Variants in SLC14A2 observed in about 807,000 individuals in gnomAD.
SLC14A2 encodes urea transporter 2.
SLC14A2 carries 91 observed loss-of-function variants against 104.6 expected under a neutral mutation model. The ratio of observed to expected loss-of-function variants is 0.87; its 90% CI spans 0.73 to 1.04. The LOEUF (loss-of-function observed/expected upper bound fraction) is 1.04, where lower values mean the gene tolerates loss of function less well. Among genes scored for constraint, SLC14A2 ranks in the 50% least tolerant of loss-of-function variants. SLC14A2 has a pLI of 0.00. For synonymous variants in SLC14A2, 476 were observed against 466.4 expected (o/e 1.02, Z -0.27); for missense variants, 1,189 against 1,156.0 (o/e 1.03, Z -0.41).
intron 2 of SLC14A2, among the ~76,000 whole-genome samples, chr18:45,579,998 C>T (rs577785974): frequency 6.6e-6 from 1 of 152,196 alleles, no homozygotes; most frequent in South Asian, 2.1e-4. Context: ...CTTGAGGTTG[C>T]CTTGAAACAA....
chr18:45,565,735 G>A (rs529142086), intron 2 of SLC14A2, among the ~76,000 whole-genome samples: 9 of 152,302 alleles, frequency 5.9e-5, no homozygotes, highest in South Asian at 2.1e-4. Context: ...ATCAGTGTGC[G>A]TGCCCTGACC....
chr18:45,266,645 A>C (rs2084595002), intron 1 of SLC14A2, among the ~76,000 whole-genome samples: 1 of 152,140 alleles, frequency 6.6e-6, no homozygotes, highest in African/African-American at 2.4e-5. Context: ...ATCTCACTAC[A>C]AACTGGTGAT....
intron 1 of SLC14A2, among the ~76,000 whole-genome samples, chr18:45,395,356 T>C (rs2086017603): frequency 6.6e-6 from 1 of 151,612 alleles, no homozygotes; most frequent in African/African-American, 2.4e-5. Context: ...GAAAGAAGAG[T>C]GGTGGTTGTC....
chr18:45,458,178 C>T (rs918679194), intron 1 of SLC14A2, among the ~76,000 whole-genome samples: 1 of 152,186 alleles, frequency 6.6e-6, no homozygotes, highest in Non-Finnish European at 1.5e-5. Flanking sequence ...CTGCCATCTG[C>T]AGCCCCTAGA....
chr18:45,422,173 G>T (rs905175419), intron 1 of SLC14A2, among the ~76,000 whole-genome samples: 2 of 152,176 alleles, frequency 1.3e-5, no homozygotes, highest in African/African-American at 2.4e-5. Context: ...CTAATGAGGT[G>T]TTGGAAGACT....
At chr18:45,175,566 T>G in the SLC14A2 span, among the ~76,000 whole-genome samples, 1 of 152,136 alleles carries the variant, frequency 6.6e-6, no homozygotes, top group Admixed American at 6.5e-5. Flanking sequence ...GAGTGGATCA[T>G]GTTCCATGGA....
intron 1 of SLC14A2, among the ~76,000 whole-genome samples, chr18:45,474,096 G>A (rs1451874090): frequency 6.6e-6 from 1 of 152,162 alleles, no homozygotes; most frequent in Non-Finnish European, 1.5e-5. Context: ...AATGGGTGTT[G>A]AATTTTATTG....
chr18:45,438,951 C>T (rs1372645339), intron 1 of SLC14A2, among the ~76,000 whole-genome samples: 1 of 152,072 alleles, frequency 6.6e-6, no homozygotes, highest in East Asian at 1.9e-4. Flanking sequence ...GGCCTATAAC[C>T]TGTCAAGAGT....
intron 1 of SLC14A2, among the ~76,000 whole-genome samples, chr18:45,446,658 C>T (rs953921497): frequency 3.3e-5 from 5 of 152,202 alleles, no homozygotes; most frequent in Non-Finnish European, 7.3e-5. Context: ...CTTCAGCTCC[C>T]AAAATGTCCA....
the SLC14A2 span, among the ~76,000 whole-genome samples, chr18:45,183,726 CTCTTTCTTTCTTTTCTT>C: frequency 6.7e-6 from 1 of 148,550 alleles, no homozygotes; most frequent in South Asian, 2.1e-4. Flanking sequence ...TTTTCTTTCT[CTCTTTCTTTCTTTTCTT>C]TCTTTCAAGA....
At chr18:45,590,071 G>A (rs1279617624) in intron 2 of SLC14A2, among the ~76,000 whole-genome samples, 4 of 152,174 alleles carry the variant, frequency 2.6e-5, no homozygotes, top group Non-Finnish European at 5.9e-5. Flanking sequence ...GCTTCAGAGC[G>A]CATGAGACTC....
In SLC14A2 at chr18:45,274,072, C is replaced by G. The variant is rs1019227348; in HGVS notation, c.-125+60881C>G. Among the ~76,000 whole-genome samples the G allele has an allele frequency of 5.9e-5, 9 of 152,094 alleles. No homozygotes were observed. In the East Asian group the frequency reaches 1.5e-3, roughly 26 times the overall value. On this transcript the variant is annotated intron_variant, in intron 1 of 20. Transcript: ENST00000586448. ...ATCTTTGATTCCATCTATGTGATAACAGGCTTACCAGGAATCCCTTGTATT... is the reference window on the plus strand; with the variant it reads ...ATCTTTGATTCCATCTATGTGATAAGAGGCTTACCAGGAATCCCTTGTATT...
intron 2 of SLC14A2, among the ~76,000 whole-genome samples, chr18:45,590,864 A>C (rs548858761): frequency 6.6e-6 from 1 of 152,352 alleles, no homozygotes; most frequent in South Asian, 2.1e-4. Flanking sequence ...CTTCATCCTA[A>C]CAACCCTGCA....
intron 1 of SLC14A2, among the ~76,000 whole-genome samples, chr18:45,395,674 A>T (rs969779260): frequency 6.6e-6 from 1 of 152,172 alleles, no homozygotes; most frequent in African/African-American, 2.4e-5. Flanking sequence ...AAAGCCAGTT[A>T]GAGAAAAATA....
At chr18:45,669,118 G>A (rs1366272110) in intron 15 of SLC14A2, among the ~76,000 whole-genome samples, 188 bp from the exon 16 acceptor site, 2 of 152,236 alleles carry the variant, frequency 1.3e-5, no homozygotes, top group Non-Finnish European at 2.9e-5. Context: ...GAGTCTGGGT[G>A]CCCCACCCTG....
chr18:45,641,085 G>A (rs1461701841), intron 7 of SLC14A2, 124 bp from the exon 8 acceptor site: 3 of 906,226 alleles, frequency 3.3e-6, no homozygotes, highest in Non-Finnish European at 5.0e-6. Context: ...TCTTTTGATG[G>A]GCAGGTTTGG....
At chr18:45,667,562 G>A (rs1256646586) in intron 13 of SLC14A2, among the ~76,000 whole-genome samples, 12 of 152,154 alleles carry the variant, frequency 7.9e-5, no homozygotes, top group Non-Finnish European at 1.8e-4. Flanking sequence ...TACCACCACA[G>A]GGGTCAGAGG....
chr18:45,413,501 C>T (rs73953185), intron 1 of SLC14A2, among the ~76,000 whole-genome samples: 2,526 of 152,210 alleles, frequency 0.017, 64 homozygotes, highest in African/African-American at 0.057. Flanking sequence ...CGTTTTCTTT[C>T]TTCTTTCTCC....
chr18:45,604,412 A>C (rs905835428), intron 2 of SLC14A2, among the ~76,000 whole-genome samples: 4 of 151,240 alleles, frequency 2.6e-5, no homozygotes, highest in African/African-American at 9.8e-5. Flanking sequence ...ATCCAGATCA[A>C]ATGATTTTGC....
Sources: gnomAD v4.1 joint callset for allele counts (sites outside exome capture counted in the v4.1 genomes callset) on GRCh38, gnomAD v4.1.1 for gene constraint, MANE v1.5 for transcripts, NCBI Gene and HGNC (gene_info 2026-07-23, HGNC 2026-07-21) for gene names.